Variants in ANKRD44 observed in about 807,000 individuals in gnomAD.
The protein encoded by ANKRD44 is ankyrin repeat domain 44, also known as serine/threonine-protein phosphatase 6 regulatory ankyrin repeat subunit B.
A neutral mutation model predicts 116.0 loss-of-function variants in ANKRD44; 35 were observed. That is an observed-to-expected ratio of 0.30 (90% CI 0.23 to 0.40). The LOEUF (loss-of-function observed/expected upper bound fraction) is 0.40, where lower values mean the gene tolerates loss of function less well. Among genes scored for constraint, ANKRD44 ranks in the 10% least tolerant of loss-of-function variants. The pLI is 1.00. For synonymous variants in ANKRD44, 435 were observed against 461.8 expected, an observed-to-expected ratio of 0.94 and a Z score of 0.74; for missense variants, 1,014 against 1,242.6, an observed-to-expected ratio of 0.82 and a Z score of 2.77.
intron 9 of ANKRD44, 85 bp from the exon 10 acceptor site, chr2:197,100,015 C>T (rs2078252845): frequency 1.7e-6 from 2 of 1,211,434 alleles, no homozygotes; most frequent in South Asian, 1.4e-5. Flanking sequence ...TCGTATCAAC[C>T]AAATGTTGAT....
chr2:197,228,165 A>T (rs1219542682), intron 1 of ANKRD44, among the ~76,000 whole-genome samples: 1 of 152,246 alleles, frequency 6.6e-6, no homozygotes, highest in African/African-American at 2.4e-5. Flanking sequence ...GACAAGGTTG[A>T]CATTAGATAA....
intron 2 of ANKRD44, among the ~76,000 whole-genome samples, chr2:197,183,724 A>C (rs11896142): frequency 1.3e-5 from 2 of 151,932 alleles, no homozygotes; most frequent in African/African-American, 4.8e-5. Flanking sequence ...TGTGGATCCC[A>C]AAAAGTGGTA....
In ANKRD44 at chr2:197,190,211, T is replaced by C. The variant is rs115302675; in HGVS notation, c.28-3105A>G. Reference sequence around the variant, plus strand: ...ATGCATACCTATCTACACTCAGGCATGCATGCATAGAGACACATGTTGAGT... The same window carrying C: ...ATGCATACCTATCTACACTCAGGCACGCATGCATAGAGACACATGTTGAGT... On this transcript the variant is annotated intron_variant, in intron 1 of 27. Transcript: ENST00000282272. Among the ~76,000 whole-genome samples the C allele has an allele frequency of 8.0e-4, 122 of 152,330 alleles. 1 individual carries two copies. The highest frequency in any genetic ancestry group is 1.8e-3 in the Admixed American group (27 of 15,300).
At chr2:197,152,943 G>A (rs931856411) in intron 2 of ANKRD44, among the ~76,000 whole-genome samples, 6 of 152,256 alleles carry the variant, frequency 3.9e-5, no homozygotes, top group East Asian at 3.9e-4. Context: ...TGGGCCGGAC[G>A]TGGTGGCTCA....
intron 16 of ANKRD44, among the ~76,000 whole-genome samples, chr2:197,027,514 T>C (rs1341384340): frequency 6.6e-6 from 1 of 151,502 alleles, no homozygotes. Context: ...CACTAAAAGC[T>C]GGAGAGATGA....
At chr2:197,040,200 CT>C (rs1440384792) in intron 16 of ANKRD44, among the ~76,000 whole-genome samples, 23 of 151,320 alleles carry the variant, frequency 1.5e-4, no homozygotes, top group African/African-American at 5.6e-4. Context: ...GATCACGTCA[CT>C]GACTCCAGCC....
chr2:197,205,624 C>T (rs2081188639), intron 1 of ANKRD44, among the ~76,000 whole-genome samples: 1 of 152,184 alleles, frequency 6.6e-6, no homozygotes, highest in Non-Finnish European at 1.5e-5. Flanking sequence ...AATCATTTCT[C>T]CAAGTGCCGA....
rs1476479078 is a variant in ANKRD44, at chr2:197,001,797, A to G, written c.2391T>C (p.Phe797=). The change falls in exon 22 of 28, where the codon TTT becomes TTC. Residue 797 remains phenylalanine (F), a synonymous_variant. Transcript: ENST00000282272. The part of the protein sequence containing the change: ...CIEVLLEQKC[F]RKFIGNPFTP... ...TAAAGGGATTACCGATAAATTTGCG[A>G]AAACATTTTTGCTCCAAAAGTACCT... The G allele has an allele frequency of 1.9e-6, 3 of 1,613,872 alleles. No individual in the cohort carries two copies. Among genetic ancestry groups the G allele is most frequent in the Non-Finnish European group, 1.7e-6 (2 of 1,179,854 alleles).
chr2:197,038,830 A>G (rs1403118891), intron 16 of ANKRD44, among the ~76,000 whole-genome samples: 7 of 152,248 alleles, frequency 4.6e-5, no homozygotes, highest in African/African-American at 1.7e-4. Flanking sequence ...CGTGGTTGCT[A>G]AAAACATAAG....
intron 1 of ANKRD44, among the ~76,000 whole-genome samples, chr2:197,226,408 G>A (rs6726473): frequency 0.2 from 30,614 of 152,146 alleles, 3,230 homozygotes; most frequent in Middle Eastern, 0.3. Context: ...GCTCACGCCT[G>A]TAATCCTAGT....
In ANKRD44 at chr2:197,083,486, G is replaced by T. The variant is rs750473345; in HGVS notation, c.1340C>A (p.Ala447Glu). Residue 447 changes from alanine to glutamate, a missense_variant, in exon 14 of 28, where the codon GCG becomes GAG. By Grantham distance (107) the Ala-to-Glu change is moderately radical. Transcript: ENST00000282272. ...CTCAATACAGTGGAAATGACAATTC[G>T]CAGCTGCATAGTGCAAAGGGGTCCT... is the stretch of plus-strand genomic sequence containing the variant. ...CGRTPLHYAA[A>E]NCHFHCIETL... is the part of the protein sequence containing the mutation. 6.2e-7 allele frequency: 1 copy of T among 1,613,414 alleles called. No homozygotes were observed. Among genetic ancestry groups the T allele is most frequent in the African/African-American group, 1.3e-5 (1 of 75,016 alleles).
chr2:197,263,107 G>T, intron 1 of ANKRD44: 1 of 469,994 alleles, frequency 2.1e-6, no homozygotes, highest in Non-Finnish European at 4.1e-6. Flanking sequence ...CTCACCCCCT[G>T]AAAATGTACA....
intron 1 of ANKRD44, among the ~76,000 whole-genome samples, chr2:197,288,494 A>T (rs2083469123): frequency 6.6e-6 from 1 of 152,364 alleles, no homozygotes; most frequent in South Asian, 2.1e-4. Context: ...GCATCAGTCC[A>T]AAGGAAAAGA....
intron 16 of ANKRD44, among the ~76,000 whole-genome samples, chr2:197,053,186 A>G (rs1323238900): frequency 6.6e-6 from 1 of 152,128 alleles, no homozygotes; most frequent in Non-Finnish European, 1.5e-5. Context: ...ACAAAACAAA[A>G]AAAGAACTTG....
chr2:196,991,684 A>C (rs2075919600), intron 27 of ANKRD44, among the ~76,000 whole-genome samples: 1 of 151,858 alleles, frequency 6.6e-6, no homozygotes, highest in Admixed American at 6.6e-5. Flanking sequence ...GGGCTCAAGC[A>C]ATCCTCCCAC....
At chr2:197,216,592 T>C (rs1344775220) in intron 1 of ANKRD44, among the ~76,000 whole-genome samples, 6 of 152,120 alleles carry the variant, frequency 3.9e-5, no homozygotes, top group Non-Finnish European at 7.4e-5. Flanking sequence ...GAAATTGATT[T>C]GGATTGTGGG....
intron 2 of ANKRD44, among the ~76,000 whole-genome samples, chr2:197,174,071 A>G (rs755839526): frequency 6.6e-6 from 1 of 152,060 alleles, no homozygotes; most frequent in African/African-American, 2.4e-5. Flanking sequence ...ACAACTTACA[A>G]TGGTGTTATT....
chr2:197,005,803 A>G lies in ANKRD44; in HGVS notation c.2238T>C (p.Arg746=). 6.2e-7 allele frequency: 1 copy of G among 1,614,292 alleles called. No homozygotes were observed. The highest frequency in any genetic ancestry group is 2.2e-5 in the East Asian group (1 of 44,892). The change falls in exon 21 of 28, where the codon CGT becomes CGC. Residue 746 remains arginine (R), a synonymous_variant. Transcript: ENST00000282272. ...GCTCGCTCAGCCACGTGGCGTGGCC[A>G]CGAGCAGCTGCATAGTGCAAGGGCG... The part of the protein sequence containing the change: ...GRTPLHYAAA[R]GHATWLSELL...
chr2:197,267,566 A>G (rs1484159795), intron 1 of ANKRD44, among the ~76,000 whole-genome samples: 1 of 152,232 alleles, frequency 6.6e-6, no homozygotes, highest in Non-Finnish European at 1.5e-5. Flanking sequence ...CGTTCTAGAT[A>G]GGTAAAAGGC....
Sources: gnomAD v4.1 joint callset for allele counts (sites outside exome capture counted in the v4.1 genomes callset) on GRCh38, gnomAD v4.1.1 for gene constraint, MANE v1.5 for transcripts, NCBI Gene and HGNC (gene_info 2026-07-23, HGNC 2026-07-21) for gene names.